MEIS3: variants seen among roughly 807,000 people sequenced by gnomAD.
MEIS3 encodes Meis homeobox 3.
A neutral mutation model predicts 51.4 loss-of-function variants in MEIS3; 38 were observed. The observed-to-expected ratio is 0.74, with a 90% CI of 0.57 to 0.97. The LOEUF (loss-of-function observed/expected upper bound fraction) is 0.97, where lower values mean the gene tolerates loss of function less well. Ranked by LOEUF, MEIS3 falls within the 50% of genes least tolerant of loss-of-function variation. The pLI, the probability that MEIS3 is intolerant of heterozygous loss-of-function variation, is 0.00. For missense variants in MEIS3, 456 were observed against 502.6 expected (o/e 0.91, Z 0.89); for synonymous variants, 198 against 201.8 (o/e 0.98, Z 0.16).
At chr19:47,420,808 G>C (rs183471382), upstream of MEIS3, among the ~76,000 whole-genome samples, 11 of 151,496 alleles carry the variant, frequency 7.3e-5, no homozygotes, top group South Asian at 2.1e-4. Flanking sequence ...GAGGGAGCAG[G>C]GGGGAGGCTC....
chr19:47,408,506 C>G (rs748262839), intron 8 of MEIS3, among the ~76,000 whole-genome samples: 8 of 152,122 alleles, frequency 5.3e-5, no homozygotes, highest in Non-Finnish European at 1.2e-4. Flanking sequence ...ATCTCTCTCT[C>G]TCTCTGGGAT....
Position 47,407,254 on chromosome 19 carries a change from G to C in MEIS3, c.935+98C>G, listed in dbSNP as rs866633618. 28 of 1,497,122 alleles carry C rather than the reference G, an allele frequency of 1.9e-5. 1 individual carries two copies. In the Middle Eastern group the frequency reaches 4.2e-3, roughly 226 times the overall value. 92.7% of individuals were successfully genotyped at this position (1,497,122 alleles called of 1,614,324 possible). On this transcript the variant is annotated intron_variant, in intron 9 of 12. Transcript: ENST00000558555. ...GGGGAGGCAGAGCGGGGCGAGCAGG[G>C]GCAGTGGCTCTGCGGGGCTCGGGGC...
intron 11 of MEIS3, 86 bp from the exon 12 acceptor site, chr19:47,406,612 CA>C: frequency 7.7e-7 from 1 of 1,290,704 alleles, no homozygotes; most frequent in Non-Finnish European, 1.1e-6. Context: ...CTTCCTACAC[CA>C]GGGGATCCCT....
chr19:47,407,254 G>T (rs866633618), intron 9 of MEIS3, 98 bp downstream of exon 9: 1 of 1,497,008 alleles, frequency 6.7e-7, no homozygotes, highest in East Asian at 2.4e-5. Context: ...GGCGAGCAGG[G>T]GCAGTGGCTC....
At chr19:47,420,823 T>C (rs140789230), upstream of MEIS3, among the ~76,000 whole-genome samples, 37 of 151,536 alleles carry the variant, frequency 2.4e-4, no homozygotes, top group African/African-American at 8.5e-4. Context: ...AGGCTCCGGC[T>C]TTCTGAGGCT....
intron 8 of MEIS3, 142 bp from the exon 9 acceptor site, chr19:47,407,570 C>A (rs770610681): frequency 2.0e-6 from 3 of 1,532,018 alleles, no homozygotes; most frequent in Non-Finnish European, 2.6e-6. Context: ...AGCGTCTCTG[C>A]GCTCCCCAGG....
At chr19:47,404,630 C>T (rs149103645) in intron 12 of MEIS3, among the ~76,000 whole-genome samples, 285 of 152,240 alleles carry the variant, frequency 1.9e-3, no homozygotes, top group African/African-American at 6.7e-3. Context: ...TCCCATTCTG[C>T]TGGTCTCACC....
chr19:47,408,237 C>T lies in MEIS3; in HGVS notation c.859-809G>A, dbSNP rs747075955. Reference sequence around the variant, plus strand: ...AATCTCCCTGGCTCAAGCAATCCTCCGGCCTCAGCCTCCTGAGTAGCTGGG... The same window carrying T: ...AATCTCCCTGGCTCAAGCAATCCTCTGGCCTCAGCCTCCTGAGTAGCTGGG... On this transcript the variant is annotated intron_variant, in intron 8 of 12. Transcript: ENST00000558555. 3.5e-4 allele frequency among the ~76,000 whole-genome samples: 54 copies of T among 152,134 alleles called. 1 individual carries two copies. The highest frequency in any genetic ancestry group is 8.0e-4 in the African/African-American group (33 of 41,420).
intron 6 of MEIS3, among the ~76,000 whole-genome samples, chr19:47,413,397 CAAA>C (rs879067578): frequency 7.9e-6 from 1 of 127,138 alleles, no homozygotes. Context: ...GACTCCATCT[CAAA>C]AAAAAAAAAA....
chr19:47,404,359 C>T (rs1970722458), intron 12 of MEIS3, among the ~76,000 whole-genome samples: 2 of 152,118 alleles, frequency 1.3e-5, no homozygotes, highest in African/African-American at 4.8e-5. Flanking sequence ...TACGCCTGCC[C>T]ATCTCTCTCC....
intron 6 of MEIS3, 97 bp downstream of exon 6, chr19:47,414,620 G>T (rs1302200793): frequency 1.4e-6 from 2 of 1,404,530 alleles, no homozygotes; most frequent in Non-Finnish European, 1.9e-6. Flanking sequence ...GCTGACTGTG[G>T]CTTCGTCTGA....
intron 4 of MEIS3, among the ~76,000 whole-genome samples, chr19:47,415,573 CTTTTTTT>C (rs1302603532): frequency 2.6e-5 from 3 of 115,272 alleles, no homozygotes; most frequent in Non-Finnish European, 1.7e-5. Context: ...CTCTCTCTCT[CTTTTTTT>C]TTTTTTTTTT....
chr19:47,416,555 G>T (rs1784759792), intron 4 of MEIS3, 97 bp downstream of exon 4: 4 of 957,826 alleles, frequency 4.2e-6, no homozygotes, highest in Non-Finnish European at 6.1e-6. Context: ...GGACCAGGTG[G>T]CCTTCTCTCT....
upstream of MEIS3, among the ~76,000 whole-genome samples, chr19:47,420,934 A>ACTCT (rs1568434238): frequency 1.8e-4 from 19 of 103,492 alleles, no homozygotes; most frequent in African/African-American, 9.7e-4. Flanking sequence ...ACACACACAC[A>ACTCT]CACACACTCT....
intron 1 of MEIS3, 159 bp downstream of exon 1, chr19:47,418,911 C>G: frequency 7.1e-6 from 3 of 424,200 alleles, no homozygotes; most frequent in Admixed American, 4.5e-5. Context: ...AGGGGGCACA[C>G]AGGGACTGGG....
intron 8 of MEIS3, 193 bp from the exon 9 acceptor site, chr19:47,407,621 C>T: frequency 2.9e-6 from 4 of 1,365,558 alleles, no homozygotes; most frequent in South Asian, 1.5e-5. Flanking sequence ...CAATTACATG[C>T]CTGCCAGCCC....
upstream of MEIS3, among the ~76,000 whole-genome samples, chr19:47,420,376 G>A (rs1971658374): frequency 6.6e-6 from 1 of 151,460 alleles, no homozygotes; most frequent in African/African-American, 2.4e-5. Flanking sequence ...GGCTGATTCT[G>A]AAACCTAGAG....
intron 1 of MEIS3, chr19:47,417,585 G>C (rs1258352726): frequency 4.3e-6 from 3 of 704,608 alleles, no homozygotes; most frequent in Non-Finnish European, 5.2e-6. Context: ...ATGTGGGCAG[G>C]AGGACCCAGA....
upstream of MEIS3, among the ~76,000 whole-genome samples, chr19:47,421,867 C>T (rs1415028421): frequency 6.6e-6 from 1 of 151,418 alleles, no homozygotes; most frequent in Non-Finnish European, 1.5e-5. Flanking sequence ...TCTGTCTCTT[C>T]TCCCTCCTTC....
Sources: allele counts gnomAD v4.1 joint callset (sites outside exome capture counted in the v4.1 genomes callset), GRCh38; gene constraint gnomAD v4.1.1; transcripts MANE v1.5; gene names NCBI Gene and HGNC (gene_info 2026-07-23, HGNC 2026-07-21).